CPED1: variants seen among roughly 807,000 people sequenced by gnomAD.
The protein encoded by CPED1 is cadherin like and PC-esterase domain containing 1, also known as cadherin-like and PC-esterase domain-containing protein 1.
CPED1 carries 114 observed loss-of-function variants against 128.2 expected under a neutral mutation model. The ratio of observed to expected loss-of-function variants is 0.89; its 90% confidence interval spans 0.76 to 1.04. The LOEUF is 1.04. CPED1 is among the 50% of genes least tolerant of loss of function. The pLI, the probability that CPED1 is intolerant of heterozygous loss-of-function variation, is 0.00. For missense variants in CPED1, 1,211 were observed against 1,207.1 expected (o/e 1.00, Z -0.05); for synonymous variants, 462 against 426.7 (o/e 1.08, Z -1.02).
chr7:121,019,014 G>A (rs1792372909), intron 3 of CPED1, among the ~76,000 whole-genome samples: 1 of 151,956 alleles, frequency 6.6e-6, no homozygotes, highest in Admixed American at 6.6e-5. Context: ...TCATAAGCCA[G>A]ATAGGAAATA....
At chr7:121,288,668 T>G (rs1792633059) in intron 22 of CPED1, among the ~76,000 whole-genome samples, 1 of 152,200 alleles carries the variant, frequency 6.6e-6, no homozygotes, top group South Asian at 2.1e-4. Context: ...TAATGCAACT[T>G]TAAATTCAAC....
Position 121,042,218 on chromosome 7 carries a change from C to T in CPED1, c.434-4669C>T, listed in dbSNP as rs12537243. Among the ~76,000 whole-genome samples the T allele has an allele frequency of 4.6e-5, 7 of 151,672 alleles. No homozygotes were observed. In the East Asian group the frequency reaches 5.8e-4, roughly 13 times the overall value. On this transcript the variant is annotated intron_variant, in intron 3 of 22. Transcript: ENST00000310396. ...CATATTTCTAGTTCCTGAGTACCTG[C>T]GAGGTAAGTACTAGCTCCTTTTATA...
At chr7:121,118,765 T>C (rs1349264144) in intron 7 of CPED1, among the ~76,000 whole-genome samples, 13 of 152,186 alleles carry the variant, frequency 8.5e-5, no homozygotes, top group Non-Finnish European at 4.4e-5. Flanking sequence ...AAGAAGCTTT[T>C]ACTGATAAGA....
intron 2 of CPED1, among the ~76,000 whole-genome samples, chr7:121,014,518 C>G (rs940562728): frequency 1.7e-4 from 25 of 147,056 alleles, no homozygotes; most frequent in Non-Finnish European, 3.4e-4. Flanking sequence ...CCACTGCACT[C>G]CAGCCTGGGC....
At chr7:121,242,904 A>C (rs181259600) in intron 17 of CPED1, among the ~76,000 whole-genome samples, 1 of 152,202 alleles carries the variant, frequency 6.6e-6, no homozygotes, top group South Asian at 2.1e-4. Flanking sequence ...GCCATAAACT[A>C]TATCATCTTT....
intron 12 of CPED1, among the ~76,000 whole-genome samples, chr7:121,132,481 G>A (rs946782275): frequency 6.6e-6 from 1 of 151,958 alleles, no homozygotes; most frequent in African/African-American, 2.4e-5. Flanking sequence ...TTGTCTTGTA[G>A]CAACGAGGTG....
chr7:121,098,601 G>A (rs1042434657), intron 6 of CPED1, among the ~76,000 whole-genome samples: 1 of 151,216 alleles, frequency 6.6e-6, no homozygotes, highest in Non-Finnish European at 1.5e-5. Context: ...GCACAGTGGT[G>A]CATGCCTGTG....
rs1353332988 is a variant in CPED1, at chr7:120,997,936, ATAAAATAAAAT to A, written c.249+8067_249+8077del. On this transcript the variant is annotated intron_variant, in intron 2 of 22. Transcript: ENST00000310396. ...AAACTCGGTCTCGAAAAAAAATAAA[ATAAAATAAAAT>A]AAAATAAAATAAAATAAAATAAAAT... is the stretch of plus-strand genomic sequence containing the variant. Among the ~76,000 whole-genome samples the A allele has an allele frequency of 1.9e-3, 232 of 123,018 alleles. 4 individuals are homozygous for A. Among genetic ancestry groups the A allele is most frequent in the African/African-American group, 8.5e-3 (220 of 25,856 alleles). The allele number at this position is 123,018 out of a possible 152,430, so 80.7% of individuals were successfully genotyped here. A position where few individuals can be genotyped will look rare whatever the true frequency, so the allele number is the denominator to read the frequency against.
rs59370305 is a variant in CPED1, at chr7:121,260,223, G to GTTTTTTTTTTTTTT, written c.2311-5992_2311-5979dup. Among the ~76,000 whole-genome samples the GTTTTTTTTTTTTTT allele has an allele frequency of 5.7e-5, 4 of 69,978 alleles. 1 individual carries two copies. The highest frequency in any genetic ancestry group is 2.2e-4 in the Admixed American group (1 of 4,650). 45.9% of individuals were successfully genotyped at this position (69,978 alleles called of 152,430 possible). A position where few individuals can be genotyped will look rare whatever the true frequency, so the allele number is the denominator to read the frequency against. Reference sequence around the variant, plus strand: ...GATGTTGTAGAGTTGCTTGCTTCGCGTTTTTTTTTTTTTTTTTTTTTTTTT... The same window carrying GTTTTTTTTTTTTTT: ...GATGTTGTAGAGTTGCTTGCTTCGCGTTTTTTTTTTTTTTTTTTTTTTTTTTTTTTTTTTTTTTT... On this transcript the variant is annotated intron_variant, in intron 18 of 22. Transcript: ENST00000310396.
At chr7:121,253,826 G>A (rs935881253) in intron 18 of CPED1, among the ~76,000 whole-genome samples, 5 of 151,750 alleles carry the variant, frequency 3.3e-5, no homozygotes, top group South Asian at 2.1e-4. Flanking sequence ...GACAAAGAAA[G>A]GTATTATATA....
At position 121,151,239 on chromosome 7, in the gene CPED1, G is replaced by A. The variant is rs767978587; in HGVS notation, c.2055+9098G>A. On this transcript the variant is annotated intron_variant, in intron 16 of 22. Transcript: ENST00000310396. ...CCCCTCATCTCAAGAAATAATGTAC[G>A]TATATATGCCCAATGCCGTATACAA... is the stretch of plus-strand genomic sequence containing the variant. 1.5e-4 allele frequency among the ~76,000 whole-genome samples: 23 copies of A among 152,060 alleles called. 1 individual carries two copies. The highest frequency in any genetic ancestry group is 7.4e-5 in the Non-Finnish European group (5 of 68,020).
chr7:121,112,705 C>T (rs1795143913), intron 7 of CPED1, among the ~76,000 whole-genome samples: 1 of 152,106 alleles, frequency 6.6e-6, no homozygotes, highest in African/African-American at 2.4e-5. Flanking sequence ...GGCCAAAGAA[C>T]ATCACATGAA....
At chr7:121,066,938 T>C (rs937347483) in intron 5 of CPED1, among the ~76,000 whole-genome samples, 1 of 152,130 alleles carries the variant, frequency 6.6e-6, no homozygotes, top group Non-Finnish European at 1.5e-5. Context: ...TGTTAGGTAT[T>C]ATAAGTAATC....
At chr7:121,242,292 T>G (rs544262605) in intron 17 of CPED1, among the ~76,000 whole-genome samples, 1 of 152,350 alleles carries the variant, frequency 6.6e-6, no homozygotes, top group East Asian at 1.9e-4. Flanking sequence ...GCTCAAATCC[T>G]AGTTCTACTA....
At chr7:121,161,742 G>A (rs1796416605) in intron 16 of CPED1, among the ~76,000 whole-genome samples, 1 of 152,132 alleles carries the variant, frequency 6.6e-6, no homozygotes, top group Admixed American at 6.6e-5. Context: ...TGAGAATAAA[G>A]TTTTAGTGAA....
chr7:120,991,003 G>A (rs1247536209), intron 2 of CPED1, among the ~76,000 whole-genome samples: 1 of 152,196 alleles, frequency 6.6e-6, no homozygotes, highest in Non-Finnish European at 1.5e-5. Flanking sequence ...CACATGGTTA[G>A]CATTATGACA....
rs1792803200 is a variant in CPED1 at position 121,295,459 on chromosome 7, CCA to C, written c.2889_2890del (p.Lys964ArgfsTer3). 1 of 1,611,912 alleles carries C rather than the reference CCA, an allele frequency of 6.2e-7. No individual in the cohort carries two copies. Among genetic ancestry groups the C allele is most frequent in the East Asian group, 2.2e-5 (1 of 44,680 alleles). ...TTACAGGTAGTGAAATCAAAGTTAT[CCA>C]AAGAATATAACTTTATTAAAATGAA... is the stretch of plus-strand genomic sequence containing the variant. On this transcript the variant is annotated frameshift_variant, in exon 23 of 23. Coordinates refer to ENST00000310396, the MANE Select transcript of CPED1 (RefSeq NM_024913.5). LOFTEE classifies it high-confidence loss of function.
chr7:121,204,681 C>G (rs573115662), intron 16 of CPED1, among the ~76,000 whole-genome samples: 5 of 152,244 alleles, frequency 3.3e-5, no homozygotes, highest in African/African-American at 7.2e-5. Flanking sequence ...GGATACAATA[C>G]TAGTTAAGAG....
At chr7:121,079,239 A>G (rs538489266) in intron 5 of CPED1, among the ~76,000 whole-genome samples, 1 of 152,300 alleles carries the variant, frequency 6.6e-6, no homozygotes, top group East Asian at 1.9e-4. Context: ...TGCGAGTAGC[A>G]GATTCATGAT....
Sources: allele counts gnomAD v4.1 joint callset (sites outside exome capture counted in the v4.1 genomes callset), GRCh38; gene constraint gnomAD v4.1.1; transcripts MANE v1.5; gene names NCBI Gene and HGNC (gene_info 2026-07-23, HGNC 2026-07-21).